Variants in CTNND2 observed in about 807,000 individuals in gnomAD.
The protein encoded by CTNND2 is catenin delta-2.
Under a neutral mutation model 144.4 loss-of-function variants are expected in CTNND2, and 22 were observed. The ratio of observed to expected loss-of-function variants is 0.15; its 90% CI spans 0.11 to 0.22. The LOEUF is 0.22. CTNND2 is among the 10% of genes least tolerant of loss of function. CTNND2 has a pLI of 1.00. For synonymous variants in CTNND2, 751 were observed against 695.6 expected (o/e 1.08, Z -1.25); for missense variants, 1,353 against 1,618.8 (o/e 0.84, Z 2.82).
chr5:11,657,402 T>C (rs1244552799), intron 2 of CTNND2, among the ~76,000 whole-genome samples: 2 of 152,108 alleles, frequency 1.3e-5, no homozygotes, highest in East Asian at 3.9e-4. Flanking sequence ...CATGCTAACA[T>C]CTTTGTATTT....
chr5:11,488,725 C>G (rs1769091401), intron 3 of CTNND2, among the ~76,000 whole-genome samples: 1 of 152,158 alleles, frequency 6.6e-6, no homozygotes, highest in Non-Finnish European at 1.5e-5. Flanking sequence ...GACAATACCC[C>G]AAACCCTAGC....
intron 1 of CTNND2, among the ~76,000 whole-genome samples, chr5:11,777,823 T>A (rs1199682515): frequency 1.6e-4 from 24 of 152,226 alleles, no homozygotes; most frequent in Admixed American, 1.5e-3. Flanking sequence ...TAACCTTAGG[T>A]CCCTGTGTTT....
At chr5:11,039,178 A>G (rs948744599) in intron 16 of CTNND2, among the ~76,000 whole-genome samples, 1 of 152,038 alleles carries the variant, frequency 6.6e-6, no homozygotes, top group Admixed American at 6.6e-5. Context: ...ACAGTTGCAG[A>G]CTCCCCAATC....
Position 11,844,139 on chromosome 5 carries a change from T to C in CTNND2, c.37+59678A>G, listed in dbSNP as rs1380218258. Among the ~76,000 whole-genome samples, 3 of 152,316 alleles carry C rather than the reference T, an allele frequency of 2.0e-5. No individual in the cohort carries two copies. In the East Asian group the frequency reaches 5.8e-4, roughly 29 times the overall value. Reference sequence around the variant, plus strand: ...TAACTTCCCACATTCCACATTTCTATGTAAATAGAAGGGAAAAATCACTTC... The same window carrying C: ...TAACTTCCCACATTCCACATTTCTACGTAAATAGAAGGGAAAAATCACTTC... On this transcript the variant is annotated intron_variant, in intron 1 of 21. Coordinates refer to ENST00000304623, the MANE Select transcript of CTNND2 (RefSeq NM_001332.4).
chr5:10,982,511 T>C (rs536133942), intron 20 of CTNND2, among the ~76,000 whole-genome samples: 1 of 152,316 alleles, frequency 6.6e-6, no homozygotes, highest in African/African-American at 2.4e-5. Context: ...CCCACTTCCT[T>C]ATGGGAAACC....
intron 3 of CTNND2, among the ~76,000 whole-genome samples, chr5:11,430,205 C>A (rs986842178): frequency 7.1e-6 from 1 of 139,984 alleles, no homozygotes; most frequent in African/African-American, 2.8e-5. Context: ...GCTGAGACTG[C>A]GCCACTGCAC....
chr5:11,170,568 A>G (rs754360303), intron 11 of CTNND2, among the ~76,000 whole-genome samples: 4 of 151,936 alleles, frequency 2.6e-5, no homozygotes, highest in Non-Finnish European at 5.9e-5. Flanking sequence ...TAAAACACAC[A>G]TACACACACA....
intron 1 of CTNND2, among the ~76,000 whole-genome samples, chr5:11,828,777 G>A (rs1487879416): frequency 6.6e-6 from 1 of 152,132 alleles, no homozygotes; most frequent in Non-Finnish European, 1.5e-5. Context: ...GGGGTGCTGT[G>A]AAAATGTGGA....
chr5:11,552,496 T>C (rs779068164), intron 3 of CTNND2, among the ~76,000 whole-genome samples: 13 of 152,212 alleles, frequency 8.5e-5, no homozygotes, highest in Non-Finnish European at 1.6e-4. Context: ...GTTCAATTAA[T>C]GTCCCCATCC....
At chr5:11,557,730 T>C (rs1237385772) in intron 3 of CTNND2, among the ~76,000 whole-genome samples, 21 of 152,194 alleles carry the variant, frequency 1.4e-4, no homozygotes, top group Non-Finnish European at 1.0e-4. Context: ...CATATTTACA[T>C]TCCTAGGATT....
At chr5:11,058,951 C>T (rs1200362881) in intron 16 of CTNND2, among the ~76,000 whole-genome samples, 4 of 152,216 alleles carry the variant, frequency 2.6e-5, no homozygotes, top group Non-Finnish European at 5.9e-5. Context: ...TGGCCAATTT[C>T]TCACATTTGG....
chr5:11,252,074 A>C (rs2149934417), intron 9 of CTNND2, among the ~76,000 whole-genome samples: 1 of 152,334 alleles, frequency 6.6e-6, no homozygotes, highest in African/African-American at 2.4e-5. Flanking sequence ...TTTTAGTGGC[A>C]GTAGCATTAC....
At chr5:11,896,839 A>G (rs1737434084) in intron 1 of CTNND2, among the ~76,000 whole-genome samples, 1 of 152,124 alleles carries the variant, frequency 6.6e-6, no homozygotes, top group Admixed American at 6.5e-5. Flanking sequence ...ATAATTAGCT[A>G]CTCTGAAACT....
At chr5:11,154,248 C>T (rs1758012704) in intron 12 of CTNND2, among the ~76,000 whole-genome samples, 2 of 152,064 alleles carry the variant, frequency 1.3e-5, no homozygotes, top group Non-Finnish European at 2.9e-5. Context: ...AGTTCAATGT[C>T]GGGAGGAAAA....
intron 12 of CTNND2, among the ~76,000 whole-genome samples, chr5:11,125,315 AT>A (rs1376078253): frequency 6.6e-6 from 1 of 152,208 alleles, no homozygotes; most frequent in Non-Finnish European, 1.5e-5. Context: ...ACGAGGGCTC[AT>A]CCCTTTGATT....
intron 9 of CTNND2, among the ~76,000 whole-genome samples, chr5:11,300,578 CAAGT>C (rs1749483710): frequency 6.6e-6 from 1 of 151,996 alleles, no homozygotes; most frequent in South Asian, 2.1e-4. Context: ...CCAGATTTAG[CAAGT>C]AATACAGGAC....
intron 10 of CTNND2, among the ~76,000 whole-genome samples, chr5:11,216,701 C>T (rs375261040): frequency 3.0e-4 from 46 of 152,340 alleles, no homozygotes; most frequent in African/African-American, 1.0e-3. Context: ...TTTGTTACAG[C>T]AGCAATACAG....
chr5:11,219,005 T>C (rs1417088718), intron 10 of CTNND2, among the ~76,000 whole-genome samples: 1 of 152,208 alleles, frequency 6.6e-6, no homozygotes, highest in Non-Finnish European at 1.5e-5. Flanking sequence ...AGATGAGACC[T>C]TTCATTTTAA....
intron 2 of CTNND2, among the ~76,000 whole-genome samples, chr5:11,603,535 C>G (rs1320741047): frequency 1.3e-5 from 2 of 152,150 alleles, no homozygotes; most frequent in South Asian, 4.1e-4. Context: ...AGACTAGAGG[C>G]CTCAAAGGAA....
Sources: allele counts gnomAD v4.1 joint callset (sites outside exome capture counted in the v4.1 genomes callset), GRCh38; gene constraint gnomAD v4.1.1; transcripts MANE v1.5; gene names NCBI Gene and HGNC (gene_info 2026-07-23, HGNC 2026-07-21).